Variants in LIFR observed in about 807,000 individuals in gnomAD.
The protein encoded by LIFR is LIF receptor subunit alpha.
A neutral mutation model predicts 122.2 loss-of-function variants in LIFR; 84 were observed. That is an observed-to-expected ratio of 0.69 (90% CI 0.58 to 0.82). The LOEUF (loss-of-function observed/expected upper bound fraction) is 0.82. LIFR is among the 40% of genes least tolerant of loss of function. The pLI, the probability that LIFR is intolerant of heterozygous loss-of-function variation, is 0.00. For synonymous variants in LIFR, 422 were observed against 434.7 expected (o/e 0.97, Z 0.36); for missense variants, 1,294 against 1,311.6 (o/e 0.99, Z 0.21).
rs1306207555 is a variant in LIFR, at chr5:38,474,896, A to G, written c.*6699T>C. The G allele has an allele frequency of 6.4e-6, 1 of 155,900 alleles. No homozygotes were observed. Among genetic ancestry groups the G allele is most frequent in the Non-Finnish European group, 1.4e-5 (1 of 70,404 alleles). The allele number at this position is 155,900 out of a possible 1,614,324, so 9.7% of individuals were successfully genotyped here. ...GATAGAACAAAAAAATACAACAACA[A>G]AGCAGAGCCACTTCTCCTAAGTGTG... On this transcript the variant is annotated 3_prime_UTR_variant, in exon 20 of 20. Coordinates refer to ENST00000453190, the MANE Select transcript of LIFR (RefSeq NM_001127671.2).
At chr5:38,524,585 A>G (rs1355975467) in intron 4 of LIFR, among the ~76,000 whole-genome samples, 2 of 152,248 alleles carry the variant, frequency 1.3e-5, no homozygotes, top group Admixed American at 6.5e-5. Flanking sequence ...TCAAGTTTCT[A>G]GCTCAGAAAG....
intron 14 of LIFR, among the ~76,000 whole-genome samples, chr5:38,492,033 T>A (rs1361751587): frequency 1.3e-5 from 2 of 152,176 alleles, no homozygotes; most frequent in Admixed American, 1.3e-4. Flanking sequence ...GACAGCTTAA[T>A]GAGTAGAGAA....
chr5:38,589,609 C>G (rs1749859039), intron 1 of LIFR, among the ~76,000 whole-genome samples: 1 of 151,760 alleles, frequency 6.6e-6, no homozygotes, highest in African/African-American at 2.4e-5. Context: ...TAACCTTATT[C>G]CATTAAATAA....
chr5:38,518,823 TCCATGCATGTTACTGCCC>T (rs1335691664), intron 5 of LIFR, among the ~76,000 whole-genome samples: 2 of 152,170 alleles, frequency 1.3e-5, no homozygotes, highest in African/African-American at 2.4e-5. Flanking sequence ...AGATGACAGC[TCCATGCATGTTACTGCCC>T]CGAAGACCTT....
intron 1 of LIFR, among the ~76,000 whole-genome samples, chr5:38,590,757 C>A (rs1749897011): frequency 6.6e-6 from 1 of 152,178 alleles, no homozygotes. Context: ...ATTATTATCT[C>A]CCCTTTATAG....
intron 1 of LIFR, 65 bp downstream of exon 1, chr5:38,556,269 G>A (rs1748535120): frequency 6.6e-6 from 1 of 151,704 alleles, no homozygotes; most frequent in Non-Finnish European, 1.5e-5. Flanking sequence ...CCGCCCCTGG[G>A]GACCCCGCTC....
At chr5:38,545,465 A>AT (rs777469906) in intron 1 of LIFR, among the ~76,000 whole-genome samples, 160 of 151,648 alleles carry the variant, frequency 1.1e-3, no homozygotes, top group Non-Finnish European at 1.8e-3. Context: ...TGAAACTAAA[A>AT]TTTTTTTTTG....
intron 1 of LIFR, among the ~76,000 whole-genome samples, chr5:38,574,518 T>C (rs1430284103): frequency 1.3e-5 from 2 of 152,106 alleles, no homozygotes; most frequent in East Asian, 3.9e-4. Context: ...AGCACATGGG[T>C]AGGTAGTCAA....
chr5:38,559,288 CG>C, upstream of LIFR: 1 of 152,322 alleles, frequency 6.6e-6, no homozygotes, highest in African/African-American at 2.4e-5. Context: ...TGAGGAAAAA[CG>C]GAGTTTCTGT....
At chr5:38,595,032 C>T (rs571764066) in intron 1 of LIFR, 2 of 181,942 alleles carry the variant, frequency 1.1e-5, no homozygotes, top group Admixed American at 6.3e-5. Context: ...GGAAGACCAT[C>T]TCTGTAGGAT....
intron 1 of LIFR, among the ~76,000 whole-genome samples, chr5:38,583,009 T>C (rs1180214008): frequency 3.3e-5 from 5 of 152,246 alleles, no homozygotes; most frequent in African/African-American, 7.2e-5. Context: ...TAATTATTTG[T>C]TTATTTGTCT....
intron 1 of LIFR, among the ~76,000 whole-genome samples, chr5:38,563,901 T>C (rs777672443): frequency 3.3e-5 from 5 of 152,288 alleles, no homozygotes; most frequent in Non-Finnish European, 7.4e-5. Context: ...ACTTCTAGTT[T>C]CAGGAGCTTC....
chr5:38,488,812 G>C (rs1182051776), intron 16 of LIFR, among the ~76,000 whole-genome samples: 2 of 152,198 alleles, frequency 1.3e-5, no homozygotes, highest in East Asian at 3.8e-4. Context: ...GCTCTAATAA[G>C]AGATGGTTTC....
At chr5:38,504,206 AAAC>A in intron 9 of LIFR, 85 bp from the exon 10 acceptor site, 2 of 974,606 alleles carry the variant, frequency 2.1e-6, no homozygotes, top group South Asian at 1.4e-5. Context: ...AAAACATAAA[AAAC>A]AACGAGGCAT....
At chr5:38,511,667 C>G in intron 6 of LIFR, 123 bp downstream of exon 6, 1 of 912,572 alleles carries the variant, frequency 1.1e-6, no homozygotes, top group Non-Finnish European at 1.7e-6. Flanking sequence ...GGCTTAGACG[C>G]TCCCAGGTAA....
chr5:38,476,533 TTA>T lies in LIFR; in HGVS notation c.*5060_*5061del. 9.6e-6 allele frequency: 2 copies of T among 207,990 alleles called. No homozygotes were observed. The highest frequency in any genetic ancestry group is 5.9e-5 in the Admixed American group (1 of 16,842). The allele number at this position is 207,990 out of a possible 1,614,324, so 12.9% of individuals were successfully genotyped here. ...ATCTATGTTGTTAGCTTTTTTTTTTTTAAAGTTCTGATTGGCTACTGTAAAGG... is the reference window on the plus strand; with the variant it reads ...ATCTATGTTGTTAGCTTTTTTTTTTTAAGTTCTGATTGGCTACTGTAAAGG... On this transcript the variant is annotated 3_prime_UTR_variant, in exon 20 of 20. Transcript: ENST00000453190.
intron 1 of LIFR, among the ~76,000 whole-genome samples, chr5:38,545,125 C>A (rs1580158057): frequency 6.6e-6 from 1 of 152,046 alleles, no homozygotes; most frequent in Non-Finnish European, 1.5e-5. Flanking sequence ...CACAAATTAG[C>A]CGGGCGTGGT....
chr5:38,500,079 C>T (rs1248955157), intron 11 of LIFR, among the ~76,000 whole-genome samples: 1 of 152,170 alleles, frequency 6.6e-6, no homozygotes, highest in Non-Finnish European at 1.5e-5. Flanking sequence ...CCCTTCACCC[C>T]CTCCTTATCC....
Position 38,510,421 on chromosome 5 carries a change from A to C in LIFR, c.991+43T>G, listed in dbSNP as rs758246771. On this transcript the variant is annotated intron_variant, in intron 7 of 19. Transcript: ENST00000453190. ...GAATTAAGGCTTTCAAGGAAGACCA[A>C]AACAGGTTAATAGGAATTCTCTCTT... 50 of 1,599,696 alleles carry C rather than the reference A, an allele frequency of 3.1e-5. 1 individual carries two copies. The South Asian group carries it at 5.0e-4, about 16-fold the overall frequency.
Sources: gnomAD v4.1 joint callset for allele counts (sites outside exome capture counted in the v4.1 genomes callset) on GRCh38, gnomAD v4.1.1 for gene constraint, MANE v1.5 for transcripts, NCBI Gene and HGNC (gene_info 2026-07-23, HGNC 2026-07-21) for gene names.